CCSER1: variants seen among roughly 807,000 people sequenced by gnomAD.
CCSER1 encodes coiled-coil serine rich protein 1.
Under a neutral mutation model 82.0 loss-of-function variants are expected in CCSER1, and 41 were observed. That is an observed-to-expected ratio of 0.50 (90% CI 0.39 to 0.65). The LOEUF (loss-of-function observed/expected upper bound fraction) is 0.65. Ranked by LOEUF, CCSER1 falls within the 30% of genes least tolerant of loss-of-function variation. CCSER1 has a pLI of 0.00. For missense variants in CCSER1, 1,119 were observed against 1,064.2 expected (o/e 1.05, Z -0.72); for synonymous variants, 414 against 383.9 (o/e 1.08, Z -0.92).
At chr4:90,636,940 A>G (rs937475622) in intron 6 of CCSER1, among the ~76,000 whole-genome samples, 2 of 152,226 alleles carry the variant, frequency 1.3e-5, no homozygotes, top group Non-Finnish European at 2.9e-5. Context: ...TCTACAAAAA[A>G]GTTAATAATA....
At chr4:90,450,019 C>A (rs905591642) in intron 4 of CCSER1, among the ~76,000 whole-genome samples, 1 of 152,212 alleles carries the variant, frequency 6.6e-6, no homozygotes, top group African/African-American at 2.4e-5. Context: ...CTGTTGCTAT[C>A]AATCCCCCTT....
intron 1 of CCSER1, among the ~76,000 whole-genome samples, chr4:90,266,850 A>G (rs1362827019): frequency 6.6e-6 from 1 of 152,034 alleles, no homozygotes; most frequent in Non-Finnish European, 1.5e-5. Flanking sequence ...AAGGCTCACT[A>G]GGCCACAGGG....
rs553437102 is a variant in CCSER1, at chr4:90,799,865, G to T, written c.2011-15897G>T. The stretch of plus-strand genomic sequence containing the variant: ...ACAAGTGTCTGTAGTGGTCAACGGG[G>T]CTCCTCCTGCCAGTGATTCAGAGGC... On this transcript the variant is annotated intron_variant, in intron 7 of 10. Transcript: ENST00000509176. 1.9e-4 allele frequency among the ~76,000 whole-genome samples: 29 copies of T among 152,266 alleles called. 1 individual carries two copies. The Middle Eastern group carries it at 0.01, about 54-fold the overall frequency.
chr4:91,248,256 T>C (rs1728638478), intron 10 of CCSER1, among the ~76,000 whole-genome samples: 1 of 152,178 alleles, frequency 6.6e-6, no homozygotes, highest in African/African-American at 2.4e-5. Flanking sequence ...TTGCAACTAA[T>C]TTATTTAGGT....
chr4:91,021,858 G>C (rs765234338), intron 9 of CCSER1, among the ~76,000 whole-genome samples: 4 of 152,116 alleles, frequency 2.6e-5, no homozygotes, highest in Non-Finnish European at 5.9e-5. Flanking sequence ...TATTAATTCA[G>C]TTTCAGTTAA....
chr4:90,245,653 A>G (rs543223368), intron 1 of CCSER1, among the ~76,000 whole-genome samples: 1 of 152,258 alleles, frequency 6.6e-6, no homozygotes, highest in Admixed American at 6.5e-5. Flanking sequence ...GGATCTATAT[A>G]TGAAGAATTT....
chr4:90,526,938 A>G (rs1003335614), intron 5 of CCSER1, among the ~76,000 whole-genome samples: 4 of 152,168 alleles, frequency 2.6e-5, no homozygotes, highest in African/African-American at 9.7e-5. Flanking sequence ...ATCCTTGAGG[A>G]ATCTCCACAC....
chr4:90,851,573 C>G (rs942285131), intron 8 of CCSER1, among the ~76,000 whole-genome samples: 2 of 129,802 alleles, frequency 1.5e-5, no homozygotes, highest in Non-Finnish European at 3.3e-5. Context: ...ACTTATAGAG[C>G]TTTTTTTTTT....
Position 90,786,969 on chromosome 4 carries a change from T to G in CCSER1, c.2011-28793T>G, listed in dbSNP as rs188313409. ...AACTTTCTGGAGTGGCTCACAGAACTCAGGGAATCACTAACTTAATTTACC... is the reference window on the plus strand; with the variant it reads ...AACTTTCTGGAGTGGCTCACAGAACGCAGGGAATCACTAACTTAATTTACC... On this transcript the variant is annotated intron_variant, in intron 7 of 10. Transcript: ENST00000509176. Among the ~76,000 whole-genome samples, 337 of 152,332 alleles carry G rather than the reference T, an allele frequency of 2.2e-3. 3 individuals are homozygous for G. The highest frequency in any genetic ancestry group is 7.7e-3 in the African/African-American group (322 of 41,576).
intron 8 of CCSER1, among the ~76,000 whole-genome samples, chr4:90,861,466 T>A (rs1010349297): frequency 1.3e-5 from 2 of 151,784 alleles, no homozygotes; most frequent in African/African-American, 4.8e-5. Flanking sequence ...ACTGAGAGGT[T>A]ACATTTTAGG....
chr4:91,137,649 T>C (rs1420714750), intron 10 of CCSER1, among the ~76,000 whole-genome samples: 1 of 148,472 alleles, frequency 6.7e-6, no homozygotes, highest in Admixed American at 6.8e-5. Flanking sequence ...GTGTTCCTAT[T>C]TCTCCACATC....
intron 9 of CCSER1, among the ~76,000 whole-genome samples, chr4:90,945,059 G>A (rs1486295401): frequency 6.6e-6 from 1 of 152,150 alleles, no homozygotes; most frequent in Non-Finnish European, 1.5e-5. Flanking sequence ...TGAAGTGAGA[G>A]ATAGGAGAGA....
At chr4:90,189,561 T>C (rs1013786283) in intron 1 of CCSER1, among the ~76,000 whole-genome samples, 24 of 151,916 alleles carry the variant, frequency 1.6e-4, no homozygotes, top group African/African-American at 5.8e-4. Context: ...TATATATGTA[T>C]GTATATATAC....
chr4:91,097,798 AG>A (rs1311547770), intron 10 of CCSER1, among the ~76,000 whole-genome samples: 1 of 152,194 alleles, frequency 6.6e-6, no homozygotes, highest in African/African-American at 2.4e-5. Context: ...ATAGACACTT[AG>A]GAAAAAAGTG....
At chr4:90,919,612 A>G (rs1728083133) in intron 8 of CCSER1, among the ~76,000 whole-genome samples, 1 of 151,898 alleles carries the variant, frequency 6.6e-6, no homozygotes, top group Admixed American at 6.6e-5. Context: ...ATAAATTTAT[A>G]TATTTTATTA....
intron 10 of CCSER1, among the ~76,000 whole-genome samples, chr4:91,448,911 G>A (rs1009390052): frequency 6.6e-6 from 1 of 152,030 alleles, no homozygotes; most frequent in African/African-American, 2.4e-5. Context: ...ACTATAGACA[G>A]TGATAAGAGT....
intron 3 of CCSER1, among the ~76,000 whole-genome samples, chr4:90,367,294 T>G (rs1746444146): frequency 6.6e-6 from 1 of 151,942 alleles, no homozygotes; most frequent in South Asian, 2.1e-4. Flanking sequence ...GGGTAGCGAA[T>G]GAGCATGAAG....
intron 7 of CCSER1, among the ~76,000 whole-genome samples, chr4:90,800,896 T>G (rs1315945716): frequency 6.6e-6 from 1 of 152,170 alleles, no homozygotes; most frequent in African/African-American, 2.4e-5. Context: ...TATGAAAGAA[T>G]TGGATCAAAC....
At chr4:91,381,775 A>G (rs1467866806) in intron 10 of CCSER1, among the ~76,000 whole-genome samples, 2 of 152,180 alleles carry the variant, frequency 1.3e-5, no homozygotes, top group Non-Finnish European at 2.9e-5. Context: ...GCTTTGCTCC[A>G]TTGCTGGTGA....
Sources: allele counts gnomAD v4.1 joint callset (sites outside exome capture counted in the v4.1 genomes callset), GRCh38; gene constraint gnomAD v4.1.1; transcripts MANE v1.5; gene names NCBI Gene and HGNC (gene_info 2026-07-23, HGNC 2026-07-21).